VAV3: variants seen among roughly 807,000 people sequenced by gnomAD.
The protein encoded by VAV3 is guanine nucleotide exchange factor VAV3.
VAV3 carries 94 observed loss-of-function variants against 131.2 expected under a neutral mutation model. The observed-to-expected ratio is 0.72, with a 90% CI of 0.61 to 0.85. The LOEUF (loss-of-function observed/expected upper bound fraction) is 0.85, where lower values mean the gene tolerates loss of function less well. VAV3 is among the 40% of genes least tolerant of loss of function. VAV3 has a pLI of 0.00. For synonymous variants in VAV3, 349 were observed against 342.0 expected (o/e 1.02, Z -0.22); for missense variants, 939 against 1,002.7 (o/e 0.94, Z 0.86).
At chr1:107,857,262 T>C (rs1669519993) in intron 2 of VAV3, among the ~76,000 whole-genome samples, 1 of 152,140 alleles carries the variant, frequency 6.6e-6, no homozygotes. Context: ...TGCCCACATC[T>C]TTCTCCCATG....
intron 1 of VAV3, among the ~76,000 whole-genome samples, chr1:107,903,999 C>A (rs760542681): frequency 1.3e-5 from 2 of 152,134 alleles, no homozygotes; most frequent in Non-Finnish European, 2.9e-5. Context: ...AACACTTGGT[C>A]TCTCTGTCCT....
chr1:107,837,101 GC>G (rs141134245), intron 2 of VAV3, among the ~76,000 whole-genome samples: 293 of 147,842 alleles, frequency 2.0e-3, no homozygotes, highest in African/African-American at 7.0e-3. Flanking sequence ...GAAACAATGG[GC>G]AAAAAAAAAC....
At chr1:107,757,117 G>T in intron 11 of VAV3, 144 bp downstream of exon 11, 1 of 517,782 alleles carries the variant, frequency 1.9e-6, no homozygotes, top group Non-Finnish European at 3.2e-6. Context: ...TTATTTATGT[G>T]TATATATATA....
intron 17 of VAV3, among the ~76,000 whole-genome samples, chr1:107,689,051 T>C (rs559067310): frequency 4.6e-5 from 7 of 152,274 alleles, no homozygotes; most frequent in Admixed American, 4.6e-4. Context: ...TGCAAATGCC[T>C]AATGGTTATA....
chr1:107,751,200 G>T lies in VAV3; in HGVS notation c.1176C>A (p.Asn392Lys). The change falls in exon 13 of 27, where the codon AAC becomes AAA. Residue 392 changes from asparagine to lysine, a missense_variant and splice_region_variant. Coordinates refer to ENST00000370056, the MANE Select transcript of VAV3 (RefSeq NM_006113.5). Reference protein sequence around the residue: ...KQFQLSIENLNQPVLLFGRPQ... With the variant: ...KQFQLSIENLKQPVLLFGRPQ... Reference sequence around the variant, plus strand: ...GTCGTCCAAAAAGCAAAACTGGTTGGTTCTAAAATATAAAATGCACATGTC... The same window carrying T: ...GTCGTCCAAAAAGCAAAACTGGTTGTTTCTAAAATATAAAATGCACATGTC... 6.2e-7 allele frequency: 1 copy of T among 1,610,078 alleles called. No individual in the cohort carries two copies. Among genetic ancestry groups the T allele is most frequent in the Non-Finnish European group, 8.5e-7 (1 of 1,178,570 alleles).
intron 2 of VAV3, chr1:107,785,419 C>T: frequency 7.5e-7 from 1 of 1,326,978 alleles, no homozygotes; most frequent in Non-Finnish European, 9.9e-7. Context: ...GTAACAACAA[C>T]CTGGGTTCAA....
intron 20 of VAV3, among the ~76,000 whole-genome samples, chr1:107,628,072 A>T (rs1178038110): frequency 6.7e-6 from 1 of 149,578 alleles, no homozygotes; most frequent in Non-Finnish European, 1.5e-5. Flanking sequence ...TTCTGAGAAG[A>T]CGTCAGAAAA....
chr1:107,664,593 TCCTGATCA>T (rs1387224179), intron 19 of VAV3, among the ~76,000 whole-genome samples: 1 of 152,156 alleles, frequency 6.6e-6, no homozygotes, highest in Non-Finnish European at 1.5e-5. Context: ...AATATATATT[TCCTGATCA>T]CCTGCTATGT....
intron 13 of VAV3, among the ~76,000 whole-genome samples, chr1:107,750,142 A>C (rs1046522211): frequency 6.6e-6 from 1 of 152,160 alleles, no homozygotes; most frequent in African/African-American, 2.4e-5. Context: ...TTTGCTCAAG[A>C]TCACACTGCT....
chr1:107,861,515 G>A (rs1008290898), intron 2 of VAV3, among the ~76,000 whole-genome samples: 5 of 151,516 alleles, frequency 3.3e-5, no homozygotes, highest in African/African-American at 1.2e-4. Flanking sequence ...GATATAAGGA[G>A]CAGATGCATA....
chr1:107,649,279 A>G (rs1218685458), intron 19 of VAV3, among the ~76,000 whole-genome samples: 1 of 152,080 alleles, frequency 6.6e-6, no homozygotes, highest in East Asian at 1.9e-4. Context: ...ACTGCAATAA[A>G]TAGGCTTAAC....
chr1:107,840,146 T>G (rs1050826747), intron 2 of VAV3, among the ~76,000 whole-genome samples: 1 of 152,210 alleles, frequency 6.6e-6, no homozygotes, highest in African/African-American at 2.4e-5. Context: ...TAAAGTTCTC[T>G]ATAGAAACTT....
At chr1:107,723,190 T>C (rs951025816) in intron 15 of VAV3, among the ~76,000 whole-genome samples, 2 of 152,280 alleles carry the variant, frequency 1.3e-5, no homozygotes, top group Admixed American at 1.3e-4. Flanking sequence ...AGAACAAATT[T>C]ATCCATGAAG....
chr1:107,654,331 G>A (rs1656385769), intron 19 of VAV3, among the ~76,000 whole-genome samples: 1 of 151,836 alleles, frequency 6.6e-6, no homozygotes, highest in East Asian at 1.9e-4. Flanking sequence ...GATTATTGTA[G>A]GAATTTCAGA....
chr1:107,754,388 T>C (rs562173084), intron 12 of VAV3, among the ~76,000 whole-genome samples: 28 of 152,142 alleles, frequency 1.8e-4, no homozygotes, highest in Non-Finnish European at 2.8e-4. Context: ...AGAGACAGGT[T>C]CACAATGTTT....
chr1:107,696,871 C>T (rs888035407), intron 17 of VAV3, among the ~76,000 whole-genome samples: 4 of 152,182 alleles, frequency 2.6e-5, no homozygotes, highest in African/African-American at 9.7e-5. Context: ...CTCCCCTACA[C>T]CAGCATTTCC....
chr1:107,721,144 G>A (rs1661471349), intron 15 of VAV3, among the ~76,000 whole-genome samples: 1 of 152,098 alleles, frequency 6.6e-6, no homozygotes, highest in South Asian at 2.1e-4. Flanking sequence ...ACTAAATTTA[G>A]GCATAAGAGA....
chr1:107,583,514 T>C (rs1030458358), intron 25 of VAV3, among the ~76,000 whole-genome samples: 67 of 152,244 alleles, frequency 4.4e-4, no homozygotes, highest in Non-Finnish European at 8.4e-4. Context: ...AAAACCCCAC[T>C]GTCTCAGCCC....
intron 2 of VAV3, among the ~76,000 whole-genome samples, chr1:107,828,492 C>A (rs563892483): frequency 6.6e-6 from 1 of 152,006 alleles, no homozygotes; most frequent in Non-Finnish European, 1.5e-5. Context: ...GCCAGTGAGA[C>A]GCATGTTGAA....
Sources: allele counts gnomAD v4.1 joint callset (sites outside exome capture counted in the v4.1 genomes callset), GRCh38; gene constraint gnomAD v4.1.1; transcripts MANE v1.5; gene names NCBI Gene and HGNC (gene_info 2026-07-23, HGNC 2026-07-21).